Variants in RALY observed in about 807,000 individuals in gnomAD.
The protein encoded by RALY is RNA-binding protein Raly.
A neutral mutation model predicts 30.7 loss-of-function variants in RALY; 15 were observed. That is an observed-to-expected ratio of 0.49 (90% confidence interval 0.33 to 0.75). RALY has a LOEUF of 0.75. Among genes scored for constraint, RALY ranks in the 30% least tolerant of loss-of-function variants. RALY has a pLI of 0.02. For synonymous variants in RALY, 177 were observed against 170.8 expected (o/e 1.04, Z -0.28); for missense variants, 339 against 414.3 (o/e 0.82, Z 1.58).
chr20:34,015,532 A>G (rs2031572744), intron 1 of RALY, among the ~76,000 whole-genome samples: 1 of 152,156 alleles, frequency 6.6e-6, no homozygotes, highest in South Asian at 2.1e-4. Context: ...GAAGCTGAGA[A>G]GTAATTGAGG....
Position 34,009,475 on chromosome 20 carries a change from A to C in RALY, c.-93+15344A>C, listed in dbSNP as rs552895129. ...CTGATCTCGAACTCCTGACCTTGTG[A>C]TCTGCCCGCTTCAGCCTCCCAAAGT... On this transcript the variant is annotated intron_variant, in intron 1 of 9. Coordinates refer to ENST00000246194, the MANE Select transcript of RALY (RefSeq NM_016732.3). Among the ~76,000 whole-genome samples, 236 of 152,018 alleles carry C rather than the reference A, an allele frequency of 1.6e-3. 2 individuals carry two copies. Among genetic ancestry groups the C allele is most frequent in the African/African-American group, 5.2e-3 (216 of 41,444 alleles).
At chr20:34,027,764 C>T (rs2032098226) in intron 1 of RALY, among the ~76,000 whole-genome samples, 1 of 152,232 alleles carries the variant, frequency 6.6e-6, no homozygotes. Context: ...CATGTATGTA[C>T]TCTGTTATTC....
intron 2 of RALY, among the ~76,000 whole-genome samples, chr20:34,058,440 C>CAG (rs1246243484): frequency 6.6e-6 from 1 of 152,096 alleles, no homozygotes; most frequent in Non-Finnish European, 1.5e-5. Flanking sequence ...AAACAAGGGA[C>CAG]AGTGTCTAAG....
At chr20:34,067,642 A>G (rs2033611984) in intron 2 of RALY, among the ~76,000 whole-genome samples, 1 of 152,132 alleles carries the variant, frequency 6.6e-6, no homozygotes, top group Admixed American at 6.5e-5. Context: ...CTGGAGAAGC[A>G]GGCCCATCCC....
At chr20:34,052,906 A>G (rs974686761) in intron 2 of RALY, among the ~76,000 whole-genome samples, 18 of 152,150 alleles carry the variant, frequency 1.2e-4, no homozygotes, top group African/African-American at 4.1e-4. Flanking sequence ...CTCCATCACA[A>G]AATTGAGGGG....
At chr20:34,007,312 G>A (rs554984846) in intron 1 of RALY, among the ~76,000 whole-genome samples, 7 of 151,906 alleles carry the variant, frequency 4.6e-5, no homozygotes, top group Non-Finnish European at 8.8e-5. Flanking sequence ...ACGAGGTCAA[G>A]AGATCAAGAC....
chr20:34,029,266 C>T lies in RALY; in HGVS notation c.-92-2256C>T, dbSNP rs761613786. 4.5e-4 allele frequency among the ~76,000 whole-genome samples: 68 copies of T among 152,010 alleles called. 1 individual carries two copies. The East Asian group carries it at 5.0e-3, about 11-fold the overall frequency. On this transcript the variant is annotated intron_variant, in intron 1 of 9. Coordinates refer to ENST00000246194, the MANE Select transcript of RALY (RefSeq NM_016732.3). ...CAGCCTGACTAACATGAAGAAACCC[C>T]GTCTTTACTAAAAATACAAAATTAG...
At chr20:34,070,431 G>C (rs1336345671) in intron 2 of RALY, among the ~76,000 whole-genome samples, 1 of 152,056 alleles carries the variant, frequency 6.6e-6, no homozygotes, top group African/African-American at 2.4e-5. Flanking sequence ...AGCCCTTTGG[G>C]GTAAAAGACC....
chr20:34,072,959 T>TGTGTGTGAGA (rs142692706), intron 3 of RALY, among the ~76,000 whole-genome samples: 93 of 148,998 alleles, frequency 6.2e-4, no homozygotes, highest in African/African-American at 2.3e-3. Flanking sequence ...TGTGTGTGTG[T>TGTGTGTGAGA]GAGAGAGAGA....
At chr20:34,044,137 C>G (rs191971498) in intron 2 of RALY, among the ~76,000 whole-genome samples, 124 of 152,060 alleles carry the variant, frequency 8.2e-4, no homozygotes, top group African/African-American at 2.6e-3. Flanking sequence ...TATAAGAGTT[C>G]AGGAATAGGA....
chr20:34,029,548 A>G (rs1210375011), intron 1 of RALY, among the ~76,000 whole-genome samples: 1 of 148,278 alleles, frequency 6.7e-6, no homozygotes, highest in Non-Finnish European at 1.5e-5. Context: ...GGGGGAGAAA[A>G]AAAAAACCCA....
chr20:33,994,569 T>A (rs1185763671), intron 1 of RALY, among the ~76,000 whole-genome samples: 1 of 152,238 alleles, frequency 6.6e-6, no homozygotes, highest in African/African-American at 2.4e-5. Context: ...TAACCCGGAC[T>A]GGGTCTACGG....
chr20:34,017,316 T>C (rs769679651), intron 1 of RALY: 1 of 152,212 alleles, frequency 6.6e-6, no homozygotes, highest in Non-Finnish European at 1.5e-5. Flanking sequence ...GGCTGCCCAT[T>C]GTCATATAGC....
chr20:34,018,067 A>G (rs1293300162), intron 1 of RALY, among the ~76,000 whole-genome samples: 5 of 152,226 alleles, frequency 3.3e-5, no homozygotes, highest in Non-Finnish European at 7.3e-5. Flanking sequence ...AGACCAGGGA[A>G]CCAGCACAAA....
At chr20:34,036,827 T>C (rs1321905839) in intron 2 of RALY, among the ~76,000 whole-genome samples, 4 of 152,342 alleles carry the variant, frequency 2.6e-5, no homozygotes, top group Non-Finnish European at 5.9e-5. Flanking sequence ...TTTGTGTCTT[T>C]TTTTTTCTTG....
intron 1 of RALY, among the ~76,000 whole-genome samples, chr20:33,997,063 C>T (rs2030669018): frequency 1.3e-5 from 2 of 152,202 alleles, no homozygotes; most frequent in Admixed American, 6.5e-5. Flanking sequence ...TTCTGTATCA[C>T]TGAAGCCTGT....
intron 1 of RALY, among the ~76,000 whole-genome samples, chr20:34,000,404 C>A (rs927150684): frequency 1.3e-5 from 2 of 152,086 alleles, no homozygotes; most frequent in Admixed American, 6.5e-5. Context: ...GGTTGGAGGT[C>A]CCTGTCTCTC....
intron 2 of RALY, among the ~76,000 whole-genome samples, chr20:34,057,153 T>C (rs1392294464): frequency 6.6e-6 from 1 of 152,182 alleles, no homozygotes; most frequent in African/African-American, 2.4e-5. Context: ...AAATGTGTTA[T>C]AATGCTAATT....
chr20:34,028,561 A>G (rs1357914900), intron 1 of RALY, among the ~76,000 whole-genome samples: 3 of 151,598 alleles, frequency 2.0e-5, no homozygotes, highest in Non-Finnish European at 2.9e-5. Flanking sequence ...AAAATTAGCC[A>G]GGCGTGGTGG....
Sources: allele counts gnomAD v4.1 joint callset (sites outside exome capture counted in the v4.1 genomes callset), GRCh38; gene constraint gnomAD v4.1.1; transcripts MANE v1.5; gene names NCBI Gene and HGNC (gene_info 2026-07-23, HGNC 2026-07-21).